USP37: variants seen among roughly 807,000 people sequenced by gnomAD.
USP37 encodes ubiquitin specific peptidase 37, also known as ubiquitin carboxyl-terminal hydrolase 37.
Under a neutral mutation model 124.0 loss-of-function variants are expected in USP37, and 27 were observed. The observed-to-expected ratio is 0.22, with a 90% CI of 0.16 to 0.30. The LOEUF (loss-of-function observed/expected upper bound fraction) is 0.30, where lower values mean the gene tolerates loss of function less well. Among genes scored for constraint, USP37 ranks in the 10% least tolerant of loss-of-function variants. USP37 has a pLI of 1.00. For missense variants in USP37, 889 were observed against 1,140.4 expected, an observed-to-expected ratio of 0.78 and a Z score of 3.17; for synonymous variants, 365 against 388.0, an observed-to-expected ratio of 0.94 and a Z score of 0.70.
chr2:218,525,302 G>A (rs376641273), intron 10 of USP37, among the ~76,000 whole-genome samples: 15 of 152,164 alleles, frequency 9.9e-5, no homozygotes, highest in Middle Eastern at 3.4e-3. Context: ...GCAACATGGT[G>A]AAACTCCGTG....
Position 218,521,392 on chromosome 2 carries a change from T to C in USP37, c.863+8564A>G, listed in dbSNP as rs527963364. 2.6e-5 allele frequency among the ~76,000 whole-genome samples: 4 copies of C among 152,286 alleles called. No individual in the cohort carries two copies. In the East Asian group the frequency reaches 7.7e-4, roughly 29 times the overall value. ...ACAGAATGTACAGGTTTGTTACATATAGATGTGCCATGGTGATTTGCTGCA... is the reference window on the plus strand; with the variant it reads ...ACAGAATGTACAGGTTTGTTACATACAGATGTGCCATGGTGATTTGCTGCA... On this transcript the variant is annotated intron_variant, in intron 10 of 25. Coordinates refer to ENST00000258399, the MANE Select transcript of USP37 (RefSeq NM_020935.3).
chr2:218,518,744 C>T (rs562850491), intron 10 of USP37, among the ~76,000 whole-genome samples: 1 of 152,276 alleles, frequency 6.6e-6, no homozygotes, highest in East Asian at 1.9e-4. Context: ...ATAGATTTTT[C>T]AGTTTTTCCA....
chr2:218,558,392 A>G, intron 4 of USP37, 106 bp downstream of exon 4: 1 of 998,804 alleles, frequency 1.0e-6, no homozygotes, highest in Non-Finnish European at 1.4e-6. Context: ...GAAGCAAGAA[A>G]TATTAATCTA....
At position 218,474,873 on chromosome 2, in the gene USP37, A is replaced by G. The variant is rs1690883153; in HGVS notation, c.2056T>C (p.Cys686Arg). Residue 686 changes from cysteine to arginine, a missense_variant, in exon 20 of 26, where the codon TGC becomes CGC. This residue lies in a region of USP37 where 504 missense variants were observed against 714.3 expected (regional missense o/e 0.71). Transcript: ENST00000258399. The stretch of plus-strand genomic sequence containing the variant: ...TCAGACTTGTCAGGCTCTATTGGGC[A>G]TAATTTTGAATCCTGAAGAAGAGAG... ...QEDLEKDSKL[C>R]PIEPDKSELE... 1 of 1,610,658 alleles carries G rather than the reference A, an allele frequency of 6.2e-7. No individual in the cohort carries two copies. Among genetic ancestry groups the G allele is most frequent in the Non-Finnish European group, 8.5e-7 (1 of 1,178,776 alleles).
intron 10 of USP37, among the ~76,000 whole-genome samples, chr2:218,526,740 G>A (rs184506571): frequency 8.0e-5 from 12 of 149,948 alleles, no homozygotes; most frequent in African/African-American, 2.9e-4. Flanking sequence ...TTAAGACATG[G>A]AGGGTACACC....
chr2:218,565,882 C>A lies in USP37; in HGVS notation c.-230+2296G>T, dbSNP rs191573071. Reference sequence around the variant, plus strand: ...TGGCCAACATGGTGAAACCTTGTCTCCATTAGAAATACAAAAATTAGCCGG... The same window carrying A: ...TGGCCAACATGGTGAAACCTTGTCTACATTAGAAATACAAAAATTAGCCGG... On this transcript the variant is annotated intron_variant, in intron 1 of 25. Coordinates refer to ENST00000258399, the MANE Select transcript of USP37 (RefSeq NM_020935.3). 3.0e-4 allele frequency among the ~76,000 whole-genome samples: 45 copies of A among 152,164 alleles called. No homozygotes were observed. In the East Asian group the frequency reaches 6.8e-3, roughly 23 times the overall value.
chr2:218,456,828 G>T (rs908189066), intron 24 of USP37, among the ~76,000 whole-genome samples: 1 of 152,028 alleles, frequency 6.6e-6, no homozygotes, highest in East Asian at 1.9e-4. Flanking sequence ...AAATTAGCTG[G>T]GCGTGGTGGT....
chr2:218,514,910 A>C (rs1690190170), intron 10 of USP37, among the ~76,000 whole-genome samples: 1 of 152,182 alleles, frequency 6.6e-6, no homozygotes, highest in South Asian at 2.1e-4. Context: ...GGTTTAATCC[A>C]ATATTATCAT....
intron 10 of USP37, among the ~76,000 whole-genome samples, chr2:218,526,440 G>A (rs1690969491): frequency 6.6e-6 from 1 of 151,896 alleles, no homozygotes; most frequent in African/African-American, 2.4e-5. Flanking sequence ...TCACCATGTT[G>A]CCCAGGCTGG....
At chr2:218,475,790 G>C (rs1240505067) in intron 19 of USP37, among the ~76,000 whole-genome samples, 1 of 151,958 alleles carries the variant, frequency 6.6e-6, no homozygotes, top group African/African-American at 2.4e-5. Context: ...GGGAGATGTT[G>C]TGGTGTACGT....
chr2:218,461,272 C>T (rs1169266730), intron 22 of USP37, among the ~76,000 whole-genome samples: 2 of 152,054 alleles, frequency 1.3e-5, no homozygotes, highest in Non-Finnish European at 2.9e-5. Context: ...CTTTGGGAGG[C>T]CGAGGCAGGT....
intron 9 of USP37, among the ~76,000 whole-genome samples, chr2:218,532,959 T>C (rs1037882932): frequency 6.6e-6 from 1 of 151,946 alleles, no homozygotes. Flanking sequence ...TTATTATTTT[T>C]TTTTTAGACA....
intron 8 of USP37, among the ~76,000 whole-genome samples, chr2:218,544,428 T>TAGAGAGAGAG (rs1241793062): frequency 6.8e-3 from 342 of 50,036 alleles, no homozygotes; most frequent in East Asian, 0.024. Flanking sequence ...TATATATATA[T>TAGAGAGAGAG]ATAGAGAGAG....
rs1474881467 is a variant in USP37, at chr2:218,459,847, A to G, written c.2586T>C (p.Asp862=). The G allele has an allele frequency of 6.2e-7, 1 of 1,613,876 alleles. No homozygotes were observed. Among genetic ancestry groups the G allele is most frequent in the African/African-American group, 1.3e-5 (1 of 74,906 alleles). Residue 862 remains aspartate (D), a synonymous_variant, in exon 23 of 26, where the codon GAT becomes GAC. Transcript: ENST00000258399. ...LGSDEDSGNE[D]VFDMEYTEAE... is the part of the protein sequence containing the mutation. ...CTTCTGTGTACTCCATATCAAAAAC[A>G]TCCTCATTTCCAGAGTCCTCATCAG... is the stretch of plus-strand genomic sequence containing the variant.
chr2:218,554,209 T>C (rs1278734316), intron 4 of USP37, among the ~76,000 whole-genome samples: 1 of 152,188 alleles, frequency 6.6e-6, no homozygotes, highest in African/African-American at 2.4e-5. Context: ...ATTTCCTTCA[T>C]TATAATGTTG....
In USP37 at chr2:218,453,009, G is replaced by A. The variant is rs768396275; in HGVS notation, c.*1921C>T. On this transcript the variant is annotated 3_prime_UTR_variant, in exon 26 of 26. Transcript: ENST00000258399. Reference sequence around the variant, plus strand: ...TTCCTCTGCTCTAAACTACTCTGGCGTTTTCTACCACTCTACCATTTTGGA... The same window carrying A: ...TTCCTCTGCTCTAAACTACTCTGGCATTTTCTACCACTCTACCATTTTGGA... 7 of 151,874 alleles carry A rather than the reference G, an allele frequency of 4.6e-5. No homozygotes were observed. The South Asian group carries it at 6.2e-4, about 13-fold the overall frequency. The allele number at this position is 151,874 out of a possible 1,614,324, so 9.4% of individuals were successfully genotyped here. A position where few individuals can be genotyped will look rare whatever the true frequency, so the allele number is the denominator to read the frequency against.
At chr2:218,485,355 C>T (rs1372674891) in intron 16 of USP37, among the ~76,000 whole-genome samples, 17 of 151,732 alleles carry the variant, frequency 1.1e-4, no homozygotes, top group African/African-American at 3.6e-4. Flanking sequence ...GGTTTCCCTA[C>T]GTTACCCAGG....
chr2:218,516,001 C>T (rs1690256151), intron 10 of USP37, among the ~76,000 whole-genome samples: 1 of 152,164 alleles, frequency 6.6e-6, no homozygotes, highest in Admixed American at 6.5e-5. Flanking sequence ...CATCTCATGC[C>T]ATTTAGAATG....
intron 11 of USP37, among the ~76,000 whole-genome samples, chr2:218,506,283 TGG>T (rs1689672884): frequency 9.1e-5 from 12 of 131,206 alleles, no homozygotes; most frequent in African/African-American, 3.5e-4. Context: ...ACTTTCTTTC[TGG>T]CTTTTTTTTT....
Sources: allele counts gnomAD v4.1 joint callset (sites outside exome capture counted in the v4.1 genomes callset), GRCh38; gene constraint gnomAD v4.1.1; regional missense constraint gnomAD v4.1.1; transcripts MANE v1.5; gene names NCBI Gene and HGNC (gene_info 2026-07-23, HGNC 2026-07-21).